PDE2A: variants seen among roughly 807,000 people sequenced by gnomAD.
PDE2A encodes the protein cGMP-dependent 3',5'-cyclic phosphodiesterase.
In PDE2A, 53 loss-of-function variants were observed where a neutral mutation model predicts 133.6. The ratio of observed to expected loss-of-function variants is 0.40; its 90% CI spans 0.32 to 0.50. The LOEUF (loss-of-function observed/expected upper bound fraction) is 0.50, where lower values mean the gene tolerates loss of function less well. Ranked by LOEUF, PDE2A falls within the 20% of genes least tolerant of loss-of-function variation. PDE2A has a pLI of 0.73. For missense variants in PDE2A, 796 were observed against 1,232.4 expected (o/e 0.65, Z 5.30); for synonymous variants, 491 against 490.2 (o/e 1.00, Z -0.02).
chr11:72,620,332 G>C (rs79807818), intron 2 of PDE2A, among the ~76,000 whole-genome samples: 2,561 of 152,214 alleles, frequency 0.017, 80 homozygotes, highest in African/African-American at 0.059. Flanking sequence ...CCCAGGAGAA[G>C]GCCCCTCAGA....
intron 1 of PDE2A, among the ~76,000 whole-genome samples, chr11:72,654,045 C>T (rs143388205): frequency 3.4e-4 from 52 of 152,316 alleles, no homozygotes; most frequent in African/African-American, 1.2e-3. Flanking sequence ...CACATTTGTC[C>T]CCATACCAGA....
chr11:72,577,711 G>A (rs886421798), intron 30 of PDE2A, 117 bp from the exon 31 acceptor site: 28 of 721,830 alleles, frequency 3.9e-5, no homozygotes, highest in Middle Eastern at 3.8e-4. Flanking sequence ...GGTAGCTCAC[G>A]CCTGTAATCC....
At chr11:72,591,264 A>G (rs751188724) in intron 7 of PDE2A, 33 bp downstream of exon 7, 6 of 1,575,082 alleles carry the variant, frequency 3.8e-6, no homozygotes, top group Non-Finnish European at 4.4e-6. Flanking sequence ...AAGGGTCTTC[A>G]GCCTCATTGC....
At chr11:72,634,242 G>T (rs1858569143) in intron 2 of PDE2A, among the ~76,000 whole-genome samples, 1 of 152,092 alleles carries the variant, frequency 6.6e-6, no homozygotes, top group African/African-American at 2.4e-5. Context: ...AGCTGGGGAG[G>T]GGCTCCCTGC....
At chr11:72,635,328 C>G (rs1858625629) in intron 2 of PDE2A, among the ~76,000 whole-genome samples, 1 of 152,226 alleles carries the variant, frequency 6.6e-6, no homozygotes, top group Admixed American at 6.5e-5. Context: ...AGCTATCTGT[C>G]TCCATTGCTT....
At chr11:72,622,802 G>C (rs1363416732) in intron 2 of PDE2A, among the ~76,000 whole-genome samples, 1 of 152,094 alleles carries the variant, frequency 6.6e-6, no homozygotes, top group Non-Finnish European at 1.5e-5. Context: ...TACCACAACT[G>C]AACTGTACAC....
Position 72,590,484 on chromosome 11 carries a change from C to A in PDE2A, c.646G>T (p.Asp216Tyr). 2 of 1,529,594 alleles carry A rather than the reference C, an allele frequency of 1.3e-6. No homozygotes were observed. Among genetic ancestry groups the A allele is most frequent in the Admixed American group, 2.1e-5 (1 of 48,450 alleles). The allele number at this position is 1,529,594 out of a possible 1,614,324, so 94.8% of individuals were successfully genotyped here. A position where few individuals can be genotyped will look rare whatever the true frequency, so the allele number is the denominator to read the frequency against. ...GTGTACGCCGCCCCGCCCTTCTGGT[C>A]TTCCGCCGTCCCCTCCGGGGGGTTC... ...VQNPPEGTAE[D>Y]QKGGAAYTDR... The change falls in exon 8 of 31, where the codon GAC becomes TAC. Residue 216 changes from aspartate to tyrosine, a missense_variant. Asp to Tyr is a radical substitution (Grantham distance 160). Around this residue, in one of 7 missense-constraint regions of PDE2A, gnomAD observed 417 missense variants for 475.3 expected, o/e 0.88. Coordinates refer to ENST00000334456, the MANE Select transcript of PDE2A (RefSeq NM_002599.5). This position sits in a 1 kb window ranked among gnomAD's most constrained non-coding sequence, Gnocchi z 4.8.
At chr11:72,660,793 C>G (rs1033705874) in intron 1 of PDE2A, among the ~76,000 whole-genome samples, 1 of 151,838 alleles carries the variant, frequency 6.6e-6, no homozygotes, top group Admixed American at 6.6e-5. Flanking sequence ...CCTTGAATAA[C>G]AAGGATTTCA....
rs530636968 is a variant in PDE2A, at chr11:72,630,267, G to A, written c.144+11987C>T. On this transcript the variant is annotated intron_variant, in intron 2 of 30. Coordinates refer to ENST00000334456, the MANE Select transcript of PDE2A (RefSeq NM_002599.5). ...AGGCTCAAAGAGCTCACAGTGCAGA[G>A]AAGACAAGGCAGACACACATACAGA... Among the ~76,000 whole-genome samples, 22 of 152,306 alleles carry A rather than the reference G, an allele frequency of 1.4e-4. No individual in the cohort carries two copies. In the South Asian group the frequency reaches 4.1e-3, roughly 29 times the overall value.
chr11:72,612,519 C>A (rs1179524784), intron 2 of PDE2A, among the ~76,000 whole-genome samples: 1 of 152,170 alleles, frequency 6.6e-6, no homozygotes, highest in African/African-American at 2.4e-5. Context: ...TGGCCTTACG[C>A]AACACCTTTC....
rs146881776 is a variant in PDE2A at position 72,580,607 on chromosome 11, C to T, written c.2151G>A (p.Ala717=). 2.1e-4 allele frequency: 337 copies of T among 1,567,566 alleles called. No individual in the cohort carries two copies. Among genetic ancestry groups the T allele is most frequent in the Non-Finnish European group, 2.7e-4 (316 of 1,154,946 alleles). ...FQVASKSVLA[A]LYSSEGSVME... Reference sequence around the variant, plus strand: ...TGACGGAGCCCTCAGAGCTGTAGAGCGCAGCCAGCACAGATTTCTGGAAAA... The same window carrying T: ...TGACGGAGCCCTCAGAGCTGTAGAGTGCAGCCAGCACAGATTTCTGGAAAA... Residue 717 remains alanine (A), a synonymous_variant, in exon 25 of 31, where the codon GCG becomes GCA. Transcript: ENST00000334456.
In PDE2A at chr11:72,585,578, C is replaced by T. The variant is rs2135289205; in HGVS notation, c.1198G>A (p.Ala400Thr). The T allele has an allele frequency of 6.2e-7, 1 of 1,614,026 alleles. No homozygotes were observed. Among genetic ancestry groups the T allele is most frequent in the Non-Finnish European group, 8.5e-7 (1 of 1,179,932 alleles). Residue 400 changes from alanine (A) to threonine (T), a missense_variant, in exon 15 of 31, where the codon GCA becomes ACA. Physicochemically the swap from Ala to Thr is moderately conservative, Grantham distance 58. Coordinates refer to ENST00000334456, the MANE Select transcript of PDE2A (RefSeq NM_002599.5). ...CCCAGGTGGGTGAAGAGGTTCTTTG[C>T]CACTTGGAGAAGAGCCTGGAATGAA... is the stretch of plus-strand genomic sequence containing the variant. ...KCECQALLQV[A>T]KNLFTHLDDV...
At chr11:72,588,744 A>G (rs1341531094) in intron 13 of PDE2A, 40 bp downstream of exon 13, 7 of 1,557,398 alleles carry the variant, frequency 4.5e-6, no homozygotes, top group Non-Finnish European at 6.1e-6. Flanking sequence ...CCAGCCTCTC[A>G]GTGACATCTC....
At chr11:72,596,721 TG>T (rs2135325623) in intron 5 of PDE2A, 73 bp from the exon 6 acceptor site, 1 of 956,580 alleles carries the variant, frequency 1.0e-6, no homozygotes, top group African/African-American at 1.7e-5. Context: ...GGGACCCAGG[TG>T]GGGGAGACAA....
chr11:72,639,500 A>T (rs1478372457), intron 2 of PDE2A, among the ~76,000 whole-genome samples: 1 of 152,106 alleles, frequency 6.6e-6, no homozygotes, highest in Non-Finnish European at 1.5e-5. Context: ...CTGTTCTTAC[A>T]CCAACAGGCG....
chr11:72,646,708 G>A (rs931664954), intron 1 of PDE2A, among the ~76,000 whole-genome samples: 2 of 151,980 alleles, frequency 1.3e-5, no homozygotes, highest in Non-Finnish European at 2.9e-5. Context: ...ACCACTTCCC[G>A]TCCAGCCATG....
intron 2 of PDE2A, among the ~76,000 whole-genome samples, chr11:72,619,286 A>G (rs1398646120): frequency 6.6e-6 from 1 of 152,006 alleles, no homozygotes; most frequent in African/African-American, 2.4e-5. Flanking sequence ...TTCTGGATAC[A>G]CTCATCAGAA....
intron 6 of PDE2A, among the ~76,000 whole-genome samples, chr11:72,593,007 C>T (rs1365727072): frequency 1.3e-5 from 2 of 152,030 alleles, no homozygotes; most frequent in Admixed American, 6.6e-5. Flanking sequence ...CTGGTCCCAT[C>T]TCTCAAGAAT....
chr11:72,646,348 C>T (rs1859127093), intron 1 of PDE2A, among the ~76,000 whole-genome samples: 1 of 152,344 alleles, frequency 6.6e-6, no homozygotes, highest in African/African-American at 2.4e-5. Context: ...CAAAGCATTT[C>T]CTCACCCAGG....
Sources: allele counts gnomAD v4.1 joint callset (sites outside exome capture counted in the v4.1 genomes callset), GRCh38; gene constraint gnomAD v4.1.1; regional missense constraint gnomAD v4.1.1; non-coding constraint Gnocchi (gnomAD v3.1); transcripts MANE v1.5; gene names NCBI Gene and HGNC (gene_info 2026-07-23, HGNC 2026-07-21).